Variants in CHODL observed in about 807,000 individuals in gnomAD.
CHODL encodes the protein transmembrane protein MT75.
CHODL carries 29 observed loss-of-function variants against 34.5 expected under a neutral mutation model. That is an observed-to-expected ratio of 0.84 (90% CI 0.63 to 1.15). The LOEUF (loss-of-function observed/expected upper bound fraction) is 1.15. CHODL is among the 50% of genes most tolerant of loss of function. CHODL has a pLI of 0.00. For missense variants in CHODL, 332 were observed against 332.5 expected (o/e 1.00, Z 0.01); for synonymous variants, 125 against 116.1 (o/e 1.08, Z -0.49).
At chr21:18,004,737 C>T (rs930718871) in intron 1 of CHODL, among the ~76,000 whole-genome samples, 4 of 151,908 alleles carry the variant, frequency 2.6e-5, no homozygotes, top group Admixed American at 1.3e-4. Flanking sequence ...ACACTTATTA[C>T]TTGACTTTGA....
chr21:18,063,001 CAAAG>C (rs1354186708), intron 2 of CHODL, among the ~76,000 whole-genome samples: 4 of 152,036 alleles, frequency 2.6e-5, no homozygotes, highest in African/African-American at 4.8e-5. Flanking sequence ...CAGAAAAACT[CAAAG>C]AAACGTGAGA....
intron 2 of CHODL, among the ~76,000 whole-genome samples, chr21:18,062,156 G>T (rs1249924695): frequency 6.6e-6 from 1 of 152,144 alleles, no homozygotes; most frequent in Non-Finnish European, 1.5e-5. Context: ...TCAGTGACAA[G>T]ACTAACCAAG....
chr21:17,920,973 A>G (rs1412703830), intron 1 of CHODL, among the ~76,000 whole-genome samples: 1 of 152,178 alleles, frequency 6.6e-6, no homozygotes, highest in Non-Finnish European at 1.5e-5. Context: ...TACAAGGTAC[A>G]TTTCCAAGCT....
intron 2 of CHODL, among the ~76,000 whole-genome samples, chr21:18,084,084 G>A (rs1015211299): frequency 6.6e-6 from 1 of 152,164 alleles, no homozygotes; most frequent in Non-Finnish European, 1.5e-5. Flanking sequence ...AATCATGGGG[G>A]TGGACTTTCC....
At chr21:18,030,308 A>G (rs1600915345) in intron 2 of CHODL, among the ~76,000 whole-genome samples, 1 of 152,304 alleles carries the variant, frequency 6.6e-6, no homozygotes, top group Non-Finnish European at 1.5e-5. Context: ...TTGCCAGTCC[A>G]TGTCTGGACA....
chr21:17,937,574 T>C (rs543852295), intron 1 of CHODL, among the ~76,000 whole-genome samples: 1 of 152,320 alleles, frequency 6.6e-6, no homozygotes, highest in South Asian at 2.1e-4. Flanking sequence ...AAAAATACAG[T>C]GTCTTTTCAC....
At chr21:18,227,898 A>T (rs965434661) in intron 2 of CHODL, among the ~76,000 whole-genome samples, 1 of 152,196 alleles carries the variant, frequency 6.6e-6, no homozygotes, top group African/African-American at 2.4e-5. Context: ...TGCAATAAAT[A>T]CAAATAAAAT....
intron 2 of CHODL, among the ~76,000 whole-genome samples, chr21:18,128,246 A>T (rs1339176909): frequency 7.8e-6 from 1 of 127,406 alleles, no homozygotes; most frequent in Non-Finnish European, 1.6e-5. Flanking sequence ...GCTTGCAGTG[A>T]GCCCAGATCG....
At chr21:18,247,292 G>A (rs539963575) in intron 1 of CHODL, among the ~76,000 whole-genome samples, 8 of 152,102 alleles carry the variant, frequency 5.3e-5, no homozygotes, top group Non-Finnish European at 1.0e-4. Flanking sequence ...GAGCCTCTTT[G>A]GGGCTGTTAT....
In CHODL at chr21:18,175,579, C is replaced by G. The variant is rs1283446810; in HGVS notation, c.-44-80930C>G. Among the ~76,000 whole-genome samples, 20 of 149,460 alleles carry G rather than the reference C, an allele frequency of 1.3e-4. No homozygotes were observed. In the Admixed American group the frequency reaches 1.3e-3, roughly 10 times the overall value. On this transcript the variant is annotated intron_variant, in intron 2 of 6. Coordinates refer to the CHODL transcript ENST00000400127. The stretch of plus-strand genomic sequence containing the variant: ...TTGCACTCCAGCCCGGGCGACAGTG[C>G]GAGACTGTCTGGAGAAAAAAAAAAA...
At chr21:17,976,270 GAAAAAAAAAAAAAAA>G (rs71318119) in intron 1 of CHODL, among the ~76,000 whole-genome samples, 3 of 66,536 alleles carry the variant, frequency 4.5e-5, no homozygotes, top group Non-Finnish European at 6.5e-5. Flanking sequence ...GACCATCTCA[GAAAAAAAAAAAAAAA>G]AAAAAAAAAA....
chr21:18,010,864 T>C (rs1194097715), intron 1 of CHODL, among the ~76,000 whole-genome samples: 1 of 152,208 alleles, frequency 6.6e-6, no homozygotes, highest in Non-Finnish European at 1.5e-5. Context: ...TTAAGCAAGG[T>C]AAAATGTAAA....
intron 1 of CHODL, among the ~76,000 whole-genome samples, chr21:18,253,112 C>T (rs1234178931): frequency 1.3e-5 from 2 of 152,052 alleles, no homozygotes; most frequent in African/African-American, 4.8e-5. Context: ...GAAGTACTAT[C>T]TTAATTTTAT....
At chr21:17,948,893 G>C (rs757716728) in intron 1 of CHODL, among the ~76,000 whole-genome samples, 11 of 152,034 alleles carry the variant, frequency 7.2e-5, no homozygotes, top group Non-Finnish European at 1.5e-4. Flanking sequence ...GAAGTTCTTC[G>C]AGACTCATTC....
intron 2 of CHODL, among the ~76,000 whole-genome samples, chr21:18,136,504 T>A (rs2072730269): frequency 1.3e-5 from 2 of 151,990 alleles, no homozygotes; most frequent in Admixed American, 1.3e-4. Context: ...CAAATTGACA[T>A]CCTAAAATGA....
At chr21:18,234,858 C>T (rs9976717) in intron 2 of CHODL, among the ~76,000 whole-genome samples, 48,802 of 151,976 alleles carry the variant, frequency 0.32, 10,358 homozygotes, top group African/African-American at 0.61. Context: ...AAAATAAGTA[C>T]ATGTAAGCAG....
intron 2 of CHODL, among the ~76,000 whole-genome samples, chr21:18,188,287 C>A (rs2073467643): frequency 6.6e-6 from 1 of 152,076 alleles, no homozygotes; most frequent in Admixed American, 6.5e-5. Context: ...TTATTTAATT[C>A]ATTTTTATAC....
At chr21:18,161,781 A>T (rs1388427454) in intron 2 of CHODL, among the ~76,000 whole-genome samples, 2 of 152,242 alleles carry the variant, frequency 1.3e-5, no homozygotes, top group African/African-American at 4.8e-5. Context: ...TTGTACTGAA[A>T]CTTTCATCAG....
chr21:17,962,671 G>T (rs959922060), intron 1 of CHODL, among the ~76,000 whole-genome samples: 3 of 152,164 alleles, frequency 2.0e-5, no homozygotes, highest in Admixed American at 2.0e-4. Context: ...CTGATAAAGT[G>T]ATATTCTTTT....
Sources: gnomAD v4.1 joint callset for allele counts (sites outside exome capture counted in the v4.1 genomes callset) on GRCh38, gnomAD v4.1.1 for gene constraint, MANE v1.5 for transcripts, NCBI Gene and HGNC (gene_info 2026-07-23, HGNC 2026-07-21) for gene names.